The following STAM variants were observed in gnomAD, a reference collection of about 807,000 sequenced individuals.
STAM encodes the protein signal transducing adapter molecule 1.
STAM carries 16 observed loss-of-function variants against 63.4 expected under a neutral mutation model. That is an observed-to-expected ratio of 0.25 (90% CI 0.17 to 0.38). The LOEUF (loss-of-function observed/expected upper bound fraction) is 0.38, where lower values mean the gene tolerates loss of function less well. Among genes scored for constraint, STAM ranks in the 10% least tolerant of loss-of-function variants. STAM has a pLI of 1.00. For synonymous variants in STAM, 238 were observed against 223.9 expected (o/e 1.06, Z -0.56); for missense variants, 636 against 657.1 (o/e 0.97, Z 0.35).
chr10:17,684,817 A>C lies in STAM; in HGVS notation c.202-15A>C. 6.2e-7 allele frequency: 1 copy of C among 1,613,794 alleles called. No homozygotes were observed. Among genetic ancestry groups the C allele is most frequent in the Non-Finnish European group, 8.5e-7 (1 of 1,179,846 alleles). Reference sequence around the variant, plus strand: ...CACAATTGAGCCCCTTTAACTTCTGATTTTGTGCTTTTAGCTTCTAGGAGC... The same window carrying C: ...CACAATTGAGCCCCTTTAACTTCTGCTTTTGTGCTTTTAGCTTCTAGGAGC... On this transcript the variant is annotated splice_polypyrimidine_tract_variant and intron_variant, in intron 3 of 13. Coordinates refer to ENST00000377524, the MANE Select transcript of STAM (RefSeq NM_003473.4).
intron 2 of STAM, among the ~76,000 whole-genome samples, chr10:17,660,823 A>G (rs982055411): frequency 1.8e-4 from 27 of 152,186 alleles, no homozygotes; most frequent in African/African-American, 6.3e-4. Context: ...AAAAGAGAAT[A>G]TTTTTATTAA....
In STAM at chr10:17,700,315, T is replaced by C. The variant is rs376842869; in HGVS notation, c.912+36T>C. The C allele has an allele frequency of 1.1e-5, 16 of 1,466,510 alleles. No individual in the cohort carries two copies. The African/African-American group carries it at 2.0e-4, about 18-fold the overall frequency. 90.8% of individuals were successfully genotyped at this position (1,466,510 alleles called of 1,614,324 possible). On this transcript the variant is annotated intron_variant, in intron 9 of 13. Coordinates refer to ENST00000377524, the MANE Select transcript of STAM (RefSeq NM_003473.4). ...TCCATGGTGATAGGAGTTGGTACTT[T>C]GTATTGAAATTTAAATGGTTTTGCT...
At chr10:17,665,205 C>A (rs889308095) in intron 2 of STAM, among the ~76,000 whole-genome samples, 22 of 151,980 alleles carry the variant, frequency 1.4e-4, no homozygotes, top group African/African-American at 3.6e-4. Flanking sequence ...AAGGAAAAAA[C>A]CAGACAAACC....
chr10:17,698,073 T>C (rs751092644), intron 8 of STAM, among the ~76,000 whole-genome samples: 26 of 152,184 alleles, frequency 1.7e-4, no homozygotes, highest in Non-Finnish European at 3.8e-4. Flanking sequence ...CACTTCTCTT[T>C]CAAGAGAAGG....
intron 1 of STAM, among the ~76,000 whole-genome samples, chr10:17,647,232 C>A (rs550479074): frequency 6.6e-6 from 1 of 152,142 alleles, no homozygotes; most frequent in Non-Finnish European, 1.5e-5. Context: ...TTAGAAGAAA[C>A]GTAAAGATAA....
intron 4 of STAM, among the ~76,000 whole-genome samples, chr10:17,686,034 A>G (rs1554826042): frequency 6.6e-6 from 1 of 152,166 alleles, no homozygotes; most frequent in Non-Finnish European, 1.5e-5. Flanking sequence ...GAAAAATAGC[A>G]GTATAGAAAT....
intron 7 of STAM, chr10:17,695,869 G>T (rs2570289): frequency 2.0e-5 from 3 of 152,138 alleles, no homozygotes; most frequent in Non-Finnish European, 4.4e-5. Flanking sequence ...TTGGGCTGCC[G>T]TAACAAACTA....
At chr10:17,669,270 G>A (rs1350719049) in intron 2 of STAM, among the ~76,000 whole-genome samples, 1 of 149,796 alleles carries the variant, frequency 6.7e-6, no homozygotes, top group Non-Finnish European at 1.5e-5. Flanking sequence ...CTTTTGACCC[G>A]TTGGTATGTG....
At chr10:17,705,236 G>C (rs1329250146) in intron 11 of STAM, among the ~76,000 whole-genome samples, 1 of 152,082 alleles carries the variant, frequency 6.6e-6, no homozygotes, top group Admixed American at 6.6e-5. Context: ...TAGTCAAAAG[G>C]ACCAGCGTAG....
In STAM at chr10:17,652,098, A is replaced by G. The variant is rs114925947; in HGVS notation, c.40+7719A>G. Among the ~76,000 whole-genome samples, 1,319 of 152,348 alleles carry G rather than the reference A, an allele frequency of 8.7e-3. 21 individuals are homozygous for G. Among genetic ancestry groups the G allele is most frequent in the African/African-American group, 0.03 (1,241 of 41,580 alleles). ...ATTCTCAGGATAAAATGAGATCATT[A>G]TGAAGCTTTGAATTCTTTAGAAGCA... is the stretch of plus-strand genomic sequence containing the variant. On this transcript the variant is annotated intron_variant, in intron 1 of 13. Transcript: ENST00000377524.
Position 17,705,733 on chromosome 10 carries a change from G to C in STAM, c.1201G>C (p.Gly401Arg), listed in dbSNP as rs782021046. ...PYYMQSSGVS[G>R]SQVYAGPPPS... ...TTATATGCAGTCATCTGGTGTTTCTGGTTCTCAGGTAAGCTTTTAGAAGCC... is the reference window on the plus strand; with the variant it reads ...TTATATGCAGTCATCTGGTGTTTCTCGTTCTCAGGTAAGCTTTTAGAAGCC... The change falls in exon 12 of 14, where the codon GGT becomes CGT. Residue 401 changes from glycine (G) to arginine (R), a missense_variant. Around this residue, in one of 3 missense-constraint regions of STAM, gnomAD observed 532 missense variants for 536.9 expected, o/e 0.99. Coordinates refer to ENST00000377524, the MANE Select transcript of STAM (RefSeq NM_003473.4). 3.1e-6 allele frequency: 5 copies of C among 1,610,430 alleles called. No individual in the cohort carries two copies. Among genetic ancestry groups the C allele is most frequent in the Non-Finnish European group, 4.2e-6 (5 of 1,178,874 alleles).
rs1386318493 is a variant in STAM, at chr10:17,716,464, T to C, written c.*1684T>C. Among the ~76,000 whole-genome samples the C allele has an allele frequency of 6.6e-6, 1 of 152,144 alleles. No individual in the cohort carries two copies. Among genetic ancestry groups the C allele is most frequent in the Non-Finnish European group, 1.5e-5 (1 of 68,010 alleles). ...TTCCTGTGTTTAAAATATGTTGCCC[T>C]GCCCTGAAGTCAAATTTCACATTTT... On this transcript the variant is annotated 3_prime_UTR_variant, in exon 14 of 14. Transcript: ENST00000377524.
At chr10:17,644,509 C>G in intron 1 of STAM, 130 bp downstream of exon 1, 1 of 1,111,650 alleles carries the variant, frequency 9.0e-7, no homozygotes, top group Non-Finnish European at 1.3e-6. Flanking sequence ...CCTGAGGCTC[C>G]CTCCTTCAGA....
rs563523723 is a variant in STAM, at chr10:17,663,288, A to T, written c.125+2740A>T. On this transcript the variant is annotated intron_variant, in intron 2 of 13. Coordinates refer to ENST00000377524, the MANE Select transcript of STAM (RefSeq NM_003473.4). ...TTTACTAATTTATAGCTTTAAAAAT[A>T]TTTTTTGTCTTTTTGTTTTTATCCA... Among the ~76,000 whole-genome samples the T allele has an allele frequency of 2.8e-4, 43 of 151,914 alleles. No individual in the cohort carries two copies. In the South Asian group the frequency reaches 6.8e-3, roughly 24 times the overall value.
rs141738169 is a variant in STAM at position 17,714,679 on chromosome 10, G to A, written c.1522G>A (p.Val508Met). The change falls in exon 14 of 14, where the codon GTG becomes ATG. Residue 508 changes from valine to methionine, a missense_variant. Around this residue, in one of 3 missense-constraint regions of STAM, gnomAD observed 532 missense variants for 536.9 expected, o/e 0.99. Transcript: ENST00000377524. Reference sequence around the variant, plus strand: ...GAATGCAGGACCTAATATGCCCCAGGTGCCAAACTATAACTTAACATCATC... The same window carrying A: ...GAATGCAGGACCTAATATGCCCCAGATGCCAAACTATAACTTAACATCATC... ...YQNAGPNMPQ[V>M]PNYNLTSSTL... is the part of the protein sequence containing the mutation. The A allele has an allele frequency of 1.9e-4, 304 of 1,614,060 alleles. No homozygotes were observed. Among genetic ancestry groups the A allele is most frequent in the Admixed American group, 1.2e-3 (74 of 59,996 alleles).
intron 2 of STAM, among the ~76,000 whole-genome samples, chr10:17,672,724 A>G (rs1554824203): frequency 6.6e-6 from 1 of 152,236 alleles, no homozygotes; most frequent in Non-Finnish European, 1.5e-5. Flanking sequence ...GAGTTCTCCA[A>G]TAGTTAAATC....
intron 12 of STAM, among the ~76,000 whole-genome samples, chr10:17,708,157 T>C (rs1326160864): frequency 6.6e-6 from 1 of 152,210 alleles, no homozygotes; most frequent in Non-Finnish European, 1.5e-5. Context: ...CCCAAAGTGC[T>C]GGGATTACAG....
Position 17,670,298 on chromosome 10 carries a change from G to T in STAM, c.125+9750G>T, listed in dbSNP as rs4748397. ...TATAGAATGAGACTTATAGAATTCTGATGACTGTTGTGCTTGTTTTGCAGA... is the reference window on the plus strand; with the variant it reads ...TATAGAATGAGACTTATAGAATTCTTATGACTGTTGTGCTTGTTTTGCAGA... On this transcript the variant is annotated intron_variant, in intron 2 of 13. Transcript: ENST00000377524. 3.9e-5 allele frequency among the ~76,000 whole-genome samples: 6 copies of T among 152,204 alleles called. No individual in the cohort carries two copies. The East Asian group carries it at 1.2e-3, about 29-fold the overall frequency.
rs200264317 is a variant in STAM, at chr10:17,684,691, C to T, written c.142C>T (p.Arg48Trp). 5 of 1,612,980 alleles carry T rather than the reference C, an allele frequency of 3.1e-6. No individual in the cohort carries two copies. Among genetic ancestry groups the T allele is most frequent in the Admixed American group, 1.7e-5 (1 of 59,802 alleles). The change falls in exon 3 of 14, where the codon CGG becomes TGG. Residue 48 changes from arginine to tryptophan, a missense_variant. This residue lies in a region of STAM where 87 missense variants were observed against 80.3 expected (regional missense o/e 1.08). Coordinates refer to ENST00000377524, the MANE Select transcript of STAM (RefSeq NM_003473.4). ...TTTTTTTAGACCTAAGGATTGTCTT[C>T]GGTCTATTATGAGAAGAGTGAACCA... ...QSRTGPKDCL[R>W]SIMRRVNHKD...
Sources: gnomAD v4.1 joint callset for allele counts (sites outside exome capture counted in the v4.1 genomes callset) on GRCh38, gnomAD v4.1.1 for gene constraint, gnomAD v4.1.1 regional missense constraint, MANE v1.5 for transcripts, NCBI Gene and HGNC (gene_info 2026-07-23, HGNC 2026-07-21) for gene names.